The following PRPF18 variants were observed in gnomAD, a reference collection of about 807,000 sequenced individuals.
PRPF18 encodes pre-mRNA processing factor 18.
Under a neutral mutation model 46.5 loss-of-function variants are expected in PRPF18, and 38 were observed. The observed-to-expected ratio is 0.82, with a 90% CI of 0.63 to 1.07. The LOEUF (loss-of-function observed/expected upper bound fraction) is 1.07. Ranked by LOEUF, PRPF18 falls within the 50% of genes least tolerant of loss-of-function variation. The pLI is 0.00. For missense variants in PRPF18, 263 were observed against 410.0 expected, an observed-to-expected ratio of 0.64 and a Z score of 3.10; for synonymous variants, 152 against 146.7, an observed-to-expected ratio of 1.04 and a Z score of -0.26.
chr10:13,620,924 C>G lies in PRPF18; in HGVS notation c.948+4371C>G, dbSNP rs558611268. 2.0e-5 allele frequency among the ~76,000 whole-genome samples: 3 copies of G among 152,330 alleles called. No individual in the cohort carries two copies. In the East Asian group the frequency reaches 5.8e-4, roughly 29 times the overall value. ...GATCAAAGGAAAGTTCTATAGCTTA[C>G]TGGCTTGCTTCAAGTCCAGGGTTAG... On this transcript the variant is annotated intron_variant, in intron 9 of 9. Transcript: ENST00000378572.
chr10:13,608,824 A>G (rs567528671), intron 4 of PRPF18, among the ~76,000 whole-genome samples: 21 of 152,328 alleles, frequency 1.4e-4, no homozygotes, highest in Admixed American at 1.3e-3. Flanking sequence ...CAGGAGCACA[A>G]GGTCTGGATT....
At chr10:13,614,109 G>C (rs760034473) in intron 8 of PRPF18, 23 bp downstream of exon 8, 5 of 1,515,898 alleles carry the variant, frequency 3.3e-6, no homozygotes, top group Middle Eastern at 3.7e-4. Flanking sequence ...GCTGTTCTTT[G>C]AAATTGTTAA....
chr10:13,647,001 G>A, the PRPF18 span: 9 of 982,206 alleles, frequency 9.2e-6, no homozygotes, highest in Non-Finnish European at 1.1e-5. Context: ...TCTGGATAGA[G>A]GGAGGAATCC....
rs2080248639 is a variant in PRPF18 at position 13,610,027 on chromosome 10, T to C, written c.364-12T>C. The C allele has an allele frequency of 6.3e-7, 1 of 1,582,114 alleles. No individual in the cohort carries two copies. The highest frequency in any genetic ancestry group is 8.6e-7 in the Non-Finnish European group (1 of 1,157,464). On this transcript the variant is annotated splice_polypyrimidine_tract_variant and intron_variant, in intron 4 of 9. Coordinates refer to ENST00000378572, the MANE Select transcript of PRPF18 (RefSeq NM_003675.4). ...TCATAACAGGTGTTCTTCCTTTTTT[T>C]GCTTTTCTTAGGGATTGAGGAATGA...
At chr10:13,632,309 C>G (rs1424583179), downstream of PRPF18, among the ~76,000 whole-genome samples, 6 of 152,108 alleles carry the variant, frequency 3.9e-5, no homozygotes, top group Non-Finnish European at 7.4e-5. Flanking sequence ...CCACTGCACT[C>G]CAGCCTGGGC....
chr10:13,635,294 A>C (rs1380424944), downstream of PRPF18, among the ~76,000 whole-genome samples: 1 of 152,178 alleles, frequency 6.6e-6, no homozygotes, highest in Non-Finnish European at 1.5e-5. Context: ...CCAGGCTATC[A>C]TTGGTGGGCA....
At chr10:13,632,349 C>CG (rs1174816417), downstream of PRPF18, among the ~76,000 whole-genome samples, 1 of 151,432 alleles carries the variant, frequency 6.6e-6, no homozygotes, top group Non-Finnish European at 1.5e-5. Flanking sequence ...CCCTCCCCCC[C>CG]GCAAAAAAAA....
At chr10:13,590,719 A>G (rs2079948948) in intron 1 of PRPF18, among the ~76,000 whole-genome samples, 1 of 152,082 alleles carries the variant, frequency 6.6e-6, no homozygotes, top group African/African-American at 2.4e-5. Context: ...ACAAGTTGCC[A>G]TTGTTCCCAT....
chr10:13,651,774 A>G, the PRPF18 span: 1 of 659,722 alleles, frequency 1.5e-6, no homozygotes. Context: ...CCAGTTCCCC[A>G]TGTATCTAGA....
Position 13,587,192 on chromosome 10 carries a change from G to C in PRPF18, c.66+40G>C, listed in dbSNP as rs779624841. 5.1e-6 allele frequency: 8 copies of C among 1,574,062 alleles called. No homozygotes were observed. In the South Asian group the frequency reaches 7.8e-5, roughly 15 times the overall value. ...GTCGTGGGGGTCGGGATGTAAGAGTGAGAGTATGTGTGTCGGGGTTTTGGG... is the reference window on the plus strand; with the variant it reads ...GTCGTGGGGGTCGGGATGTAAGAGTCAGAGTATGTGTGTCGGGGTTTTGGG... On this transcript the variant is annotated intron_variant, in intron 1 of 9. Coordinates refer to ENST00000378572, the MANE Select transcript of PRPF18 (RefSeq NM_003675.4).
At chr10:13,643,673 CAAAGG>C in the PRPF18 span, 3 of 152,568 alleles carry the variant, frequency 2.0e-5, no homozygotes, top group African/African-American at 7.2e-5. Context: ...CGCTGACAGA[CAAAGG>C]AACAAAATCT....
chr10:13,612,168 C>T (rs1180749634), intron 6 of PRPF18, among the ~76,000 whole-genome samples: 1 of 152,184 alleles, frequency 6.6e-6, no homozygotes, highest in African/African-American at 2.4e-5. Flanking sequence ...GCATGAGCCA[C>T]TGCGACTGGT....
chr10:13,600,484 T>C, intron 3 of PRPF18, 136 bp downstream of exon 3: 1 of 603,078 alleles, frequency 1.7e-6, no homozygotes, highest in Non-Finnish European at 2.6e-6. Context: ...CAGCTAGTTT[T>C]CTTCATGAAG....
the PRPF18 span, chr10:13,645,433 T>G: frequency 6.6e-6 from 1 of 152,368 alleles, no homozygotes; most frequent in South Asian, 2.1e-4. Flanking sequence ...TGTGCCATCT[T>G]GAATAACCCA....
chr10:13,630,522 A>T lies in PRPF18; in HGVS notation c.*182A>T. ...GGCCTTCATTTCATATCTGACTGCA[A>T]GCTGATTTTTCTTTCTTGCTTTCAT... On this transcript the variant is annotated 3_prime_UTR_variant, in exon 10 of 10. Coordinates refer to ENST00000378572, the MANE Select transcript of PRPF18 (RefSeq NM_003675.4). 2.5e-6 allele frequency: 1 copy of T among 399,642 alleles called. No individual in the cohort carries two copies. The allele number at this position is 399,642 out of a possible 1,614,324, so 24.8% of individuals were successfully genotyped here.
the PRPF18 span, chr10:13,647,663 A>G: frequency 1.3e-5 from 2 of 152,054 alleles, no homozygotes; most frequent in African/African-American, 4.8e-5. Flanking sequence ...TCTAAATAAC[A>G]TGCATTGTTT....
chr10:13,604,352 A>ATGTC (rs2080155695), intron 3 of PRPF18, among the ~76,000 whole-genome samples: 1 of 152,192 alleles, frequency 6.6e-6, no homozygotes, highest in African/African-American at 2.4e-5. Context: ...CTTCCTTTTT[A>ATGTC]AAATGACATA....
At chr10:13,607,569 G>A (rs909477690) in intron 4 of PRPF18, among the ~76,000 whole-genome samples, 4 of 152,120 alleles carry the variant, frequency 2.6e-5, no homozygotes, top group Non-Finnish European at 5.9e-5. Context: ...GTGCCACCAT[G>A]CCTGGCTGAT....
chr10:13,641,775 T>C, the PRPF18 span: 2 of 152,238 alleles, frequency 1.3e-5, no homozygotes, highest in South Asian at 4.1e-4. Flanking sequence ...AATTAACCAT[T>C]GGATTTGGCA....
Sources: allele counts gnomAD v4.1 joint callset (sites outside exome capture counted in the v4.1 genomes callset), GRCh38; gene constraint gnomAD v4.1.1; transcripts MANE v1.5; gene names NCBI Gene and HGNC (gene_info 2026-07-23, HGNC 2026-07-21).